KLF12: variants seen among roughly 807,000 people sequenced by gnomAD.
The protein encoded by KLF12 is KLF transcription factor 12.
A neutral mutation model predicts 37.8 loss-of-function variants in KLF12; 9 were observed. The ratio of observed to expected loss-of-function variants is 0.24; its 90% CI spans 0.14 to 0.42. The LOEUF (loss-of-function observed/expected upper bound fraction) is 0.42, where lower values mean the gene tolerates loss of function less well. KLF12 is among the 10% of genes least tolerant of loss of function. The probability of loss-of-function intolerance (pLI) is 1.00; values close to 1 mark genes in which losing one functional copy is unlikely to be tolerated. For synonymous variants in KLF12, 208 were observed against 202.1 expected (o/e 1.03, Z -0.25); for missense variants, 411 against 516.0 (o/e 0.80, Z 1.97).
intron 6 of KLF12, among the ~76,000 whole-genome samples, chr13:73,716,713 T>G (rs1299506044): frequency 1.3e-5 from 2 of 152,230 alleles, no homozygotes; most frequent in African/African-American, 2.4e-5. Context: ...AATAATATCA[T>G]GCTGTTTATA....
intron 2 of KLF12, among the ~76,000 whole-genome samples, chr13:73,967,553 A>C (rs2138080264): frequency 6.6e-6 from 1 of 152,272 alleles, no homozygotes; most frequent in Non-Finnish European, 1.5e-5. Flanking sequence ...AACCCCATAC[A>C]ACCCTTAAGG....
At chr13:74,253,017 ATCTATCTG>A in the KLF12 span, among the ~76,000 whole-genome samples, 18,413 of 109,488 alleles carry the variant, frequency 0.17, 1,706 homozygotes, top group African/African-American at 0.4. Context: ...CTATCTATCT[ATCTATCTG>A]TCTGTCTATC....
At chr13:73,772,965 A>G (rs2138132140) in intron 5 of KLF12, among the ~76,000 whole-genome samples, 1 of 152,306 alleles carries the variant, frequency 6.6e-6, no homozygotes, top group East Asian at 1.9e-4. Context: ...GGGGTAAGTG[A>G]GGCAGAAGTA....
At chr13:74,096,149 T>C (rs1014815625) in intron 1 of KLF12, among the ~76,000 whole-genome samples, 7 of 152,214 alleles carry the variant, frequency 4.6e-5, no homozygotes, top group African/African-American at 1.7e-4. Flanking sequence ...CCCTTTTAGT[T>C]AGAAAGCTCA....
intron 3 of KLF12, among the ~76,000 whole-genome samples, chr13:73,905,224 T>A (rs911111212): frequency 1.2e-4 from 18 of 152,228 alleles, no homozygotes; most frequent in Admixed American, 3.3e-4. Flanking sequence ...AAATTTAACC[T>A]GCAGTTTACC....
At chr13:73,836,988 AC>A (rs60662402) in intron 4 of KLF12, among the ~76,000 whole-genome samples, 2,939 of 152,232 alleles carry the variant, frequency 0.019, 87 homozygotes, top group African/African-American at 0.066. Flanking sequence ...TGAAATGAAA[AC>A]AAAGCCCATT....
chr13:73,850,619 G>C (rs964456345), intron 3 of KLF12, among the ~76,000 whole-genome samples: 3 of 152,172 alleles, frequency 2.0e-5, no homozygotes, highest in African/African-American at 4.8e-5. Context: ...GAGCTGAGGA[G>C]CAATGCATAA....
At chr13:74,145,701 T>A in the KLF12 span, among the ~76,000 whole-genome samples, 1 of 152,168 alleles carries the variant, frequency 6.6e-6, no homozygotes, top group Admixed American at 6.5e-5. Context: ...AAGCAGCAAA[T>A]AAATATTTTG....
intron 2 of KLF12, among the ~76,000 whole-genome samples, chr13:73,982,995 T>C (rs964695304): frequency 6.6e-6 from 1 of 152,206 alleles, no homozygotes; most frequent in African/African-American, 2.4e-5. Context: ...ATTCTCATTT[T>C]TCTCTCATTC....
chr13:74,119,280 C>T (rs1593915656), intron 1 of KLF12, among the ~76,000 whole-genome samples: 2 of 151,430 alleles, frequency 1.3e-5, no homozygotes, highest in East Asian at 3.9e-4. Flanking sequence ...TGCAGTGAGC[C>T]AAGATCACAC....
At chr13:74,031,252 T>C (rs1893104034) in intron 1 of KLF12, among the ~76,000 whole-genome samples, 1 of 152,180 alleles carries the variant, frequency 6.6e-6, no homozygotes, top group Admixed American at 6.6e-5. Context: ...TTAAAATTCA[T>C]TCATGCAATT....
At position 73,694,829 on chromosome 13, in the gene KLF12, A is replaced by T. The variant is rs2137538917; in HGVS notation, c.*661T>A. 1 of 152,832 alleles carries T rather than the reference A, an allele frequency of 6.5e-6. No homozygotes were observed. The highest frequency in any genetic ancestry group is 2.1e-4 in the South Asian group (1 of 4,824). 9.5% of individuals were successfully genotyped at this position (152,832 alleles called of 1,614,324 possible). On this transcript the variant is annotated 3_prime_UTR_variant, in exon 8 of 8. Transcript: ENST00000377669. Reference sequence around the variant, plus strand: ...AAAACAGAATCGAAACAAAACAAAAACAATCAACGACAAACAAATGAAAGA... The same window carrying T: ...AAAACAGAATCGAAACAAAACAAAATCAATCAACGACAAACAAATGAAAGA...
the KLF12 span, among the ~76,000 whole-genome samples, chr13:74,287,374 GA>G: frequency 6.6e-6 from 1 of 151,270 alleles, no homozygotes; most frequent in Non-Finnish European, 1.5e-5. Context: ...GAGAGAGAGA[GA>G]GAGAGAGAGA....
chr13:74,195,689 C>T, the KLF12 span, among the ~76,000 whole-genome samples: 4 of 151,188 alleles, frequency 2.6e-5, no homozygotes, highest in Non-Finnish European at 5.9e-5. Context: ...ACCTCCACCT[C>T]CTGGGTTCAA....
intron 1 of KLF12, among the ~76,000 whole-genome samples, chr13:74,005,118 T>G (rs1853646628): frequency 6.6e-6 from 1 of 152,158 alleles, no homozygotes; most frequent in African/African-American, 2.4e-5. Flanking sequence ...TATGCATAGT[T>G]TTGGCAAAAT....
intron 1 of KLF12, among the ~76,000 whole-genome samples, chr13:74,098,837 T>C (rs138559844): frequency 1.9e-3 from 282 of 152,288 alleles, no homozygotes; most frequent in African/African-American, 4.4e-3. Flanking sequence ...TATTAAGCAA[T>C]TACATTCAAA....
intron 2 of KLF12, among the ~76,000 whole-genome samples, chr13:73,986,594 G>A (rs1259298534): frequency 1.3e-5 from 2 of 152,094 alleles, no homozygotes; most frequent in Admixed American, 6.6e-5. Flanking sequence ...ACATGGCAAA[G>A]GGGAATGAAA....
At chr13:73,970,296 TGACAA>T (rs1891293399) in intron 2 of KLF12, among the ~76,000 whole-genome samples, 1 of 152,040 alleles carries the variant, frequency 6.6e-6, no homozygotes, top group Non-Finnish European at 1.5e-5. Context: ...ATTAACCTAA[TGACAA>T]GACACATAGC....
chr13:74,293,345 C>A, the KLF12 span, among the ~76,000 whole-genome samples: 1 of 152,160 alleles, frequency 6.6e-6, no homozygotes, highest in South Asian at 2.1e-4. Context: ...CCCTCAAAAC[C>A]TGTTCATATT....
Sources: allele counts gnomAD v4.1 joint callset (sites outside exome capture counted in the v4.1 genomes callset), GRCh38; gene constraint gnomAD v4.1.1; transcripts MANE v1.5; gene names NCBI Gene and HGNC (gene_info 2026-07-23, HGNC 2026-07-21).